The following TFDP2 variants were observed in gnomAD, a reference collection of about 807,000 sequenced individuals.
TFDP2 encodes transcription factor Dp-2.
A neutral mutation model predicts 59.3 loss-of-function variants in TFDP2; 17 were observed. The observed-to-expected ratio is 0.29, with a 90% CI of 0.20 to 0.43. TFDP2 has a LOEUF of 0.43. Among genes scored for constraint, TFDP2 ranks in the 20% least tolerant of loss-of-function variants. TFDP2 has a pLI of 1.00. For synonymous variants in TFDP2, 180 were observed against 194.7 expected, an observed-to-expected ratio of 0.92 and a Z score of 0.63; for missense variants, 391 against 528.8, an observed-to-expected ratio of 0.74 and a Z score of 2.56.
At chr3:142,082,519 T>C (rs1209749183) in intron 3 of TFDP2, among the ~76,000 whole-genome samples, 1 of 152,128 alleles carries the variant, frequency 6.6e-6, no homozygotes, top group East Asian at 1.9e-4. Context: ...AAATTCATTC[T>C]ACAAGGCTTG....
chr3:142,138,523 C>T (rs2062818931), intron 1 of TFDP2, among the ~76,000 whole-genome samples: 1 of 152,068 alleles, frequency 6.6e-6, no homozygotes, highest in African/African-American at 2.4e-5. Flanking sequence ...TATAAATTTC[C>T]CTCTACACTG....
At chr3:142,028,564 A>G in intron 3 of TFDP2, 1 of 985,302 alleles carries the variant, frequency 1.0e-6, no homozygotes, top group Non-Finnish European at 1.2e-6. Context: ...TGAGAAACAA[A>G]CTGATCTCTC....
In TFDP2 at chr3:141,952,962, T is replaced by C. The variant is rs755353550; in HGVS notation, c.1106A>G (p.Gln369Arg). The C allele has an allele frequency of 9.7e-5, 156 of 1,613,926 alleles. No homozygotes were observed. The highest frequency in any genetic ancestry group is 1.1e-4 in the Non-Finnish European group (135 of 1,179,994). The change falls in exon 12 of 13, where the codon CAA becomes CGA. Residue 369 changes from glutamine (Q) to arginine (R), a missense_variant. Transcript: ENST00000489671. ...GGTCAGGTCTAAATTTGAAACTGAT[T>C]GGGTAGAGTTCAGAAGTAGTCCCTG... ...LNQGLLLNST[Q>R]SVSNLDLTTG...
chr3:142,053,429 T>C (rs1340589454), intron 3 of TFDP2, among the ~76,000 whole-genome samples: 2 of 152,188 alleles, frequency 1.3e-5, no homozygotes, highest in Admixed American at 1.3e-4. Context: ...GCTATGACTG[T>C]AGACTTCCCA....
chr3:142,018,614 T>C (rs939575168), intron 3 of TFDP2, among the ~76,000 whole-genome samples: 1 of 152,028 alleles, frequency 6.6e-6, no homozygotes, highest in Non-Finnish European at 1.5e-5. Flanking sequence ...CCAGCTAATT[T>C]TTAAATTTTT....
At chr3:142,109,379 A>AG (rs1349707368) in intron 1 of TFDP2, among the ~76,000 whole-genome samples, 8 of 150,292 alleles carry the variant, frequency 5.3e-5, no homozygotes, top group Non-Finnish European at 1.2e-4. Flanking sequence ...CCCAGGCTAG[A>AG]GGGCAACGGT....
intron 3 of TFDP2, among the ~76,000 whole-genome samples, chr3:142,078,769 A>T (rs554715378): frequency 6.6e-6 from 1 of 152,278 alleles, no homozygotes; most frequent in East Asian, 1.9e-4. Flanking sequence ...CACCAAGACC[A>T]TCCAGGAAAA....
intron 3 of TFDP2, among the ~76,000 whole-genome samples, chr3:142,072,760 G>A (rs915829461): frequency 6.6e-6 from 1 of 152,186 alleles, no homozygotes; most frequent in African/African-American, 2.4e-5. Context: ...ATAACCCAGA[G>A]TATAAACTAA....
At chr3:141,968,983 T>C (rs1252443947) in intron 9 of TFDP2, among the ~76,000 whole-genome samples, 1 of 104,836 alleles carries the variant, frequency 9.5e-6, no homozygotes, top group Non-Finnish European at 1.8e-5. Context: ...TATATATAGA[T>C]ATATATAACA....
chr3:141,989,767 G>A (rs1396257687), intron 6 of TFDP2, among the ~76,000 whole-genome samples: 2 of 152,002 alleles, frequency 1.3e-5, no homozygotes, highest in African/African-American at 2.4e-5. Context: ...CGCAATATGC[G>A]ATGTAGATTT....
chr3:142,024,857 T>C (rs191914696), intron 3 of TFDP2, among the ~76,000 whole-genome samples: 1 of 152,136 alleles, frequency 6.6e-6, no homozygotes, highest in African/African-American at 2.4e-5. Context: ...CCGTTTCTAC[T>C]AAAAATACAA....
intron 1 of TFDP2, among the ~76,000 whole-genome samples, chr3:142,107,741 A>T (rs1234769236): frequency 1.3e-5 from 2 of 152,176 alleles, no homozygotes; most frequent in Admixed American, 6.5e-5. Flanking sequence ...TACAAATTAC[A>T]GTGCCAGAAT....
At chr3:142,137,203 A>C (rs1407942639) in intron 1 of TFDP2, among the ~76,000 whole-genome samples, 1 of 152,118 alleles carries the variant, frequency 6.6e-6, no homozygotes, top group East Asian at 1.9e-4. Context: ...GGTGTGTAGG[A>C]ATGCTTGTGA....
intron 10 of TFDP2, among the ~76,000 whole-genome samples, chr3:141,963,204 A>C (rs1937547660): frequency 6.6e-6 from 1 of 152,200 alleles, no homozygotes; most frequent in Admixed American, 6.5e-5. Context: ...ATGGTAAAAT[A>C]CATCACAAAT....
intron 6 of TFDP2, among the ~76,000 whole-genome samples, chr3:141,988,412 C>T (rs1942373603): frequency 6.6e-6 from 1 of 152,080 alleles, no homozygotes. Context: ...GATTCTCAGC[C>T]TCCTGCCCAC....
chr3:141,971,625 C>A (rs550573505), intron 8 of TFDP2, among the ~76,000 whole-genome samples: 1 of 151,924 alleles, frequency 6.6e-6, no homozygotes, highest in South Asian at 2.1e-4. Flanking sequence ...ACAGACCAAA[C>A]AAAAATGGAG....
At chr3:141,972,752 G>A (rs1245311481) in intron 8 of TFDP2, among the ~76,000 whole-genome samples, 2 of 152,038 alleles carry the variant, frequency 1.3e-5, no homozygotes. Context: ...CTTCTCCCCG[G>A]TGAGAATGAC....
At position 142,043,694 on chromosome 3, in the gene TFDP2, C is replaced by T. The variant is rs1370667755; in HGVS notation, c.83-38150G>A. ...TCCTTCTTGGCCTGCAGGCGTTCTT[C>T]ACCGTGCTTGCGTGCTTCCTTGGTC... On this transcript the variant is annotated intron_variant, in intron 3 of 12. Transcript: ENST00000489671. 9.1e-6 allele frequency: 10 copies of T among 1,097,956 alleles called. No individual in the cohort carries two copies. The Admixed American group carries it at 1.3e-4, about 15-fold the overall frequency. 68.0% of individuals were successfully genotyped at this position (1,097,956 alleles called of 1,614,324 possible). A position where few individuals can be genotyped will look rare whatever the true frequency, so the allele number is the denominator to read the frequency against.
chr3:142,046,871 C>T (rs1033885211), intron 3 of TFDP2, among the ~76,000 whole-genome samples: 1 of 152,088 alleles, frequency 6.6e-6, no homozygotes, highest in Non-Finnish European at 1.5e-5. Flanking sequence ...CACCAGCTAG[C>T]TATCATCTAA....
Sources: gnomAD v4.1 joint callset for allele counts (sites outside exome capture counted in the v4.1 genomes callset) on GRCh38, gnomAD v4.1.1 for gene constraint, MANE v1.5 for transcripts, NCBI Gene and HGNC (gene_info 2026-07-23, HGNC 2026-07-21) for gene names.